Variants in MLLT3 observed in about 807,000 individuals in gnomAD.
MLLT3 encodes the protein MLLT3 super elongation complex subunit.
MLLT3 carries 4 observed loss-of-function variants against 53.2 expected under a neutral mutation model. The observed-to-expected ratio is 0.08, with a 90% confidence interval of 0.04 to 0.17. The LOEUF (loss-of-function observed/expected upper bound fraction) is 0.17. MLLT3 is among the 10% of genes least tolerant of loss of function. MLLT3 has a pLI of 1.00. For synonymous variants in MLLT3, 283 were observed against 230.6 expected, an observed-to-expected ratio of 1.23 and a Z score of -2.06; for missense variants, 569 against 684.0, an observed-to-expected ratio of 0.83 and a Z score of 1.87.
At chr9:20,470,325 G>C (rs1824355688) in intron 2 of MLLT3, among the ~76,000 whole-genome samples, 1 of 151,770 alleles carries the variant, frequency 6.6e-6, no homozygotes, top group South Asian at 2.1e-4. Context: ...TGAGAAGCCT[G>C]GTTTATTTAA....
chr9:20,493,597 A>G (rs1825007253), intron 2 of MLLT3, among the ~76,000 whole-genome samples: 1 of 152,062 alleles, frequency 6.6e-6, no homozygotes, highest in African/African-American at 2.4e-5. Flanking sequence ...ATAGGAAGAT[A>G]AAGAATCCAC....
intron 2 of MLLT3, among the ~76,000 whole-genome samples, chr9:20,560,855 C>A (rs1296410554): frequency 6.6e-6 from 1 of 151,962 alleles, no homozygotes; most frequent in Non-Finnish European, 1.5e-5. Flanking sequence ...GATTGTGTAA[C>A]AATCAAGTCA....
intron 2 of MLLT3, among the ~76,000 whole-genome samples, chr9:20,472,351 T>C (rs1824415856): frequency 6.6e-6 from 1 of 152,122 alleles, no homozygotes; most frequent in South Asian, 2.1e-4. Context: ...ACATATGTGT[T>C]GCCGGCCATT....
At chr9:20,467,502 C>T (rs1184744188) in intron 2 of MLLT3, among the ~76,000 whole-genome samples, 1 of 152,110 alleles carries the variant, frequency 6.6e-6, no homozygotes, top group Admixed American at 6.5e-5. Context: ...CGCTTGAACT[C>T]GGGAGGCGGA....
At chr9:20,603,568 G>A (rs1820489918) in intron 2 of MLLT3, among the ~76,000 whole-genome samples, 1 of 152,032 alleles carries the variant, frequency 6.6e-6, no homozygotes, top group African/African-American at 2.4e-5. Flanking sequence ...CACGTTTGAA[G>A]TAACTCATCT....
chr9:20,600,077 T>A (rs1820378576), intron 2 of MLLT3, among the ~76,000 whole-genome samples: 1 of 148,240 alleles, frequency 6.7e-6, no homozygotes, highest in Non-Finnish European at 1.5e-5. Context: ...TTTTTTTAAA[T>A]CCACACTGAT....
chr9:20,422,460 TA>T (rs1299292296), intron 4 of MLLT3, among the ~76,000 whole-genome samples: 1 of 152,116 alleles, frequency 6.6e-6, no homozygotes, highest in African/African-American at 2.4e-5. Flanking sequence ...CCCAGATCTG[TA>T]AAATAACCAA....
At chr9:20,541,409 A>G (rs1336218848) in intron 2 of MLLT3, among the ~76,000 whole-genome samples, 1 of 152,204 alleles carries the variant, frequency 6.6e-6, no homozygotes, top group Admixed American at 6.5e-5. Context: ...GAGTCTGGAT[A>G]ATTTATAAAG....
At chr9:20,603,888 T>TG (rs755608543) in intron 2 of MLLT3, among the ~76,000 whole-genome samples, 8 of 152,116 alleles carry the variant, frequency 5.3e-5, no homozygotes, top group Non-Finnish European at 1.2e-4. Context: ...AAATTTATCT[T>TG]GAGAGTCTTG....
intron 7 of MLLT3, among the ~76,000 whole-genome samples, chr9:20,361,064 T>C (rs983302796): frequency 3.9e-5 from 6 of 152,108 alleles, no homozygotes; most frequent in Non-Finnish European, 8.8e-5. Flanking sequence ...CACAGACGAG[T>C]AAACTGAGAC....
intron 5 of MLLT3, among the ~76,000 whole-genome samples, chr9:20,374,172 C>T (rs2118677357): frequency 6.6e-6 from 1 of 152,292 alleles, no homozygotes; most frequent in East Asian, 1.9e-4. Flanking sequence ...TGTTTGAAGC[C>T]AGGAGTTCAA....
chr9:20,437,552 C>A (rs1823437040), intron 4 of MLLT3, among the ~76,000 whole-genome samples: 1 of 151,982 alleles, frequency 6.6e-6, no homozygotes, highest in South Asian at 2.1e-4. Flanking sequence ...GAAGCCAATC[C>A]CTTCTCTCAA....
intron 2 of MLLT3, among the ~76,000 whole-genome samples, chr9:20,603,929 G>C (rs1820501017): frequency 6.6e-6 from 1 of 151,990 alleles, no homozygotes; most frequent in Admixed American, 6.6e-5. Flanking sequence ...CTGGTAATTT[G>C]CCTCAATAGT....
At chr9:20,591,102 T>C (rs1304762641) in intron 2 of MLLT3, among the ~76,000 whole-genome samples, 2 of 152,206 alleles carry the variant, frequency 1.3e-5, no homozygotes, top group East Asian at 3.8e-4. Flanking sequence ...TAACCCACAA[T>C]CCCAAATCAA....
At chr9:20,582,135 C>G (rs994025766) in intron 2 of MLLT3, among the ~76,000 whole-genome samples, 2 of 152,076 alleles carry the variant, frequency 1.3e-5, no homozygotes, top group African/African-American at 2.4e-5. Context: ...TACATATTCC[C>G]TCTCCCCACT....
intron 2 of MLLT3, among the ~76,000 whole-genome samples, chr9:20,619,314 T>C (rs943780071): frequency 1.3e-5 from 2 of 152,164 alleles, no homozygotes; most frequent in African/African-American, 4.8e-5. Context: ...ACCGTTCAAG[T>C]TTTCAGGAGG....
At chr9:20,482,829 C>G (rs1315090661) in intron 2 of MLLT3, among the ~76,000 whole-genome samples, 1 of 152,266 alleles carries the variant, frequency 6.6e-6, no homozygotes, top group East Asian at 1.9e-4. Context: ...AACACCCACA[C>G]CTCTGTCCTT....
chr9:20,368,770 A>C (rs1029315914), intron 5 of MLLT3, among the ~76,000 whole-genome samples: 1 of 152,220 alleles, frequency 6.6e-6, no homozygotes, highest in African/African-American at 2.4e-5. Flanking sequence ...CCTCTGCCAC[A>C]AAGTATTTGA....
Position 20,545,868 on chromosome 9 carries a change from AAAAAAAAAAAT to A in MLLT3, c.193+74775_193+74785del, listed in dbSNP as rs1263150015. ...ACCCAGTCTCTACCAAAAAAAAAAA[AAAAAAAAAAAT>A]TAAAAATTAGCATCTCCAGTCCCAG... On this transcript the variant is annotated intron_variant, in intron 2 of 10. Transcript: ENST00000380338. Among the ~76,000 whole-genome samples, 30 of 151,440 alleles carry A rather than the reference AAAAAAAAAAAT, an allele frequency of 2.0e-4. No homozygotes were observed. The East Asian group carries it at 5.2e-3, about 26-fold the overall frequency.
Sources: gnomAD v4.1 joint callset for allele counts (sites outside exome capture counted in the v4.1 genomes callset) on GRCh38, gnomAD v4.1.1 for gene constraint, MANE v1.5 for transcripts, NCBI Gene and HGNC (gene_info 2026-07-23, HGNC 2026-07-21) for gene names.